SMCHD1: variants seen among roughly 807,000 people sequenced by gnomAD.
The protein encoded by SMCHD1 is structural maintenance of chromosomes flexible hinge domain-containing protein 1.
In SMCHD1, 78 loss-of-function variants were observed where a neutral mutation model predicts 254.7. The observed-to-expected ratio is 0.31, with a 90% confidence interval of 0.26 to 0.37. The LOEUF is 0.37. Ranked by LOEUF, SMCHD1 falls within the 10% of genes least tolerant of loss-of-function variation. SMCHD1 has a pLI of 1.00. For missense variants in SMCHD1, 1,840 were observed against 2,408.1 expected (o/e 0.76, Z 4.94); for synonymous variants, 766 against 794.9 (o/e 0.96, Z 0.61).
At chr18:2,657,523 A>G (rs544655368) in intron 1 of SMCHD1, among the ~76,000 whole-genome samples, 1 of 152,206 alleles carries the variant, frequency 6.6e-6, no homozygotes, top group South Asian at 2.1e-4. Context: ...ATATCAGTAC[A>G]TTAAAGAAAA....
chr18:2,725,046 T>A, intron 21 of SMCHD1, 51 bp downstream of exon 21: 1 of 1,089,922 alleles, frequency 9.2e-7, no homozygotes, highest in Non-Finnish European at 1.3e-6. Flanking sequence ...TTATTTATCA[T>A]ATGGTAAGAA....
chr18:2,769,119 C>G (rs2075929410), intron 37 of SMCHD1, among the ~76,000 whole-genome samples: 1 of 152,128 alleles, frequency 6.6e-6, no homozygotes, highest in South Asian at 2.1e-4. Flanking sequence ...GTGTCATTTA[C>G]TAGTTATATG....
chr18:2,773,153 C>T (rs1204367355), intron 41 of SMCHD1, among the ~76,000 whole-genome samples: 4 of 152,064 alleles, frequency 2.6e-5, no homozygotes, highest in Admixed American at 2.0e-4. Context: ...ATGACCAAAA[C>T]CGTGTTACGT....
chr18:2,701,087 A>T, intron 12 of SMCHD1, 169 bp downstream of exon 12: 1 of 473,502 alleles, frequency 2.1e-6, no homozygotes, highest in South Asian at 4.8e-5. Context: ...TTTAAAGCTA[A>T]TTTTTTAGTA....
At chr18:2,765,087 A>G (rs1208832189) in intron 37 of SMCHD1, among the ~76,000 whole-genome samples, 1 of 152,142 alleles carries the variant, frequency 6.6e-6, no homozygotes, top group Non-Finnish European at 1.5e-5. Flanking sequence ...TTTGGTTTTA[A>G]TCTTTCTAAG....
At chr18:2,705,401 G>T (rs1310281298) in intron 13 of SMCHD1, among the ~76,000 whole-genome samples, 1 of 152,106 alleles carries the variant, frequency 6.6e-6, no homozygotes, top group Non-Finnish European at 1.5e-5. Flanking sequence ...AGATATGTTG[G>T]CATTCATTAT....
At chr18:2,707,030 A>G (rs1468094953) in intron 15 of SMCHD1, among the ~76,000 whole-genome samples, 1 of 152,174 alleles carries the variant, frequency 6.6e-6, no homozygotes, top group Non-Finnish European at 1.5e-5. Context: ...AGAACTCACT[A>G]TCAAGAGAAC....
At chr18:2,775,381 AAGAC>A (rs1238350018) in intron 41 of SMCHD1, among the ~76,000 whole-genome samples, 2 of 152,082 alleles carry the variant, frequency 1.3e-5, no homozygotes, top group Non-Finnish European at 2.9e-5. Flanking sequence ...TTCTACCAAT[AAGAC>A]AGATCCCATT....
chr18:2,755,563 TTC>T (rs1230477911), intron 34 of SMCHD1, among the ~76,000 whole-genome samples: 8 of 136,556 alleles, frequency 5.9e-5, no homozygotes, highest in South Asian at 2.5e-4. Flanking sequence ...TTTTCTTTCT[TTC>T]TTTTTTTTTT....
intron 22 of SMCHD1, among the ~76,000 whole-genome samples, chr18:2,727,745 C>T (rs62084255): frequency 0.19 from 29,487 of 151,670 alleles, 3,107 homozygotes; most frequent in South Asian, 0.27. Flanking sequence ...GTGAAGTTTA[C>T]GTAAGAATAG....
Position 2,718,660 on chromosome 18 carries a change from AT to A in SMCHD1, c.2458+230del, listed in dbSNP as rs2074854212. Among the ~76,000 whole-genome samples, 1 of 151,980 alleles carries A rather than the reference AT, an allele frequency of 6.6e-6. No homozygotes were observed. Among genetic ancestry groups the A allele is most frequent in the Non-Finnish European group, 1.5e-5 (1 of 67,988 alleles). ...AACCTCCGCTTCCTGGGTTCAAGTGATTTTCCTGCCTCAGCCTCCCGAGTAG... is the reference window on the plus strand; with the variant it reads ...AACCTCCGCTTCCTGGGTTCAAGTGATTTCCTGCCTCAGCCTCCCGAGTAG... On this transcript the variant is annotated intron_variant, in intron 19 of 47. Transcript: ENST00000320876. The surrounding 1 kb of genome is among the most constrained non-coding windows in gnomAD (Gnocchi z 4.6).
rs71365194 is a variant in SMCHD1, at chr18:2,690,646, CT to C, written c.873+1916del. On this transcript the variant is annotated intron_variant, in intron 7 of 47. Transcript: ENST00000320876. ...GCCACCACACCTGGCTAATTTTTTT[CT>C]TTTTTTTTTTTTTTTTAGTGGAGAT... is the stretch of plus-strand genomic sequence containing the variant. Among the ~76,000 whole-genome samples, 539 of 133,558 alleles carry C rather than the reference CT, an allele frequency of 4.0e-3. 2 individuals are homozygous for C. Among genetic ancestry groups the C allele is most frequent in the African/African-American group, 7.5e-3 (275 of 36,442 alleles). 87.6% of individuals were successfully genotyped at this position (133,558 alleles called of 152,430 possible). A position where few individuals can be genotyped will look rare whatever the true frequency, so the allele number is the denominator to read the frequency against.
Position 2,803,694 on chromosome 18 carries a change from CTAT to C in SMCHD1, c.*1143_*1145del, listed in dbSNP as rs2076403064. 2.0e-3 allele frequency: 2 copies of C among 984 alleles called. No individual in the cohort carries two copies. Among genetic ancestry groups the C allele is most frequent in the Admixed American group, 0.03 (2 of 66 alleles). The allele number at this position is 984 out of a possible 1,614,324, so 0.1% of individuals were successfully genotyped here. ...AAAAACGATGATGATGTTAACCTAT[CTAT>C]CTTTATAATTGGAAATTATTTAAAC... On this transcript the variant is annotated 3_prime_UTR_variant, in exon 48 of 48. Coordinates refer to ENST00000320876, the MANE Select transcript of SMCHD1 (RefSeq NM_015295.3).
intron 41 of SMCHD1, 21 bp downstream of exon 41, chr18:2,772,393 T>C (rs372918781): frequency 5.2e-4 from 792 of 1,524,932 alleles, no homozygotes; most frequent in Non-Finnish European, 6.8e-4. Flanking sequence ...ATTAAGCCTT[T>C]TGAAAGGCAG....
chr18:2,656,404 C>T, intron 1 of SMCHD1, 143 bp downstream of exon 1: 1 of 804,672 alleles, frequency 1.2e-6, no homozygotes, highest in Non-Finnish European at 1.7e-6. Context: ...CGTGTGCCCG[C>T]CATGTCCGTG....
At chr18:2,760,606 C>G (rs1181118699) in intron 34 of SMCHD1, 46 bp from the exon 35 acceptor site, 1 of 1,079,726 alleles carries the variant, frequency 9.3e-7, no homozygotes, top group Admixed American at 1.8e-5. Context: ...TTCCTTCCCC[C>G]TTTATACAAA....
In SMCHD1 at chr18:2,732,360, G is replaced by A. The variant is rs1244281042; in HGVS notation, c.3144G>A (p.Lys1048=). 1 of 1,613,774 alleles carries A rather than the reference G, an allele frequency of 6.2e-7. No homozygotes were observed. Among genetic ancestry groups the A allele is most frequent in the Admixed American group, 1.7e-5 (1 of 60,014 alleles). Residue 1048 remains lysine (K), a synonymous_variant, in exon 25 of 48, where the codon AAG becomes AAA. Coordinates refer to ENST00000320876, the MANE Select transcript of SMCHD1 (RefSeq NM_015295.3). ...AAATATTCAGTGTAGAAGGACAAAA[G>A]GCAATTCAGATCAAACATCAGGATG... ...RLQIFSVEGQ[K]AIQIKHQDEV...
chr18:2,708,011 A>AG, intron 17 of SMCHD1, 91 bp downstream of exon 17: 10 of 735,616 alleles, frequency 1.4e-5, no homozygotes, highest in Non-Finnish European at 2.1e-5. Flanking sequence ...ATGACCTAGC[A>AG]ATCTGATAGG....
chr18:2,699,701 A>T (rs1259878946), intron 10 of SMCHD1, among the ~76,000 whole-genome samples: 1 of 152,152 alleles, frequency 6.6e-6, no homozygotes, highest in African/African-American at 2.4e-5. Context: ...AAAAGATATA[A>T]TTTTTTTCAA....
Sources: allele counts gnomAD v4.1 joint callset (sites outside exome capture counted in the v4.1 genomes callset), GRCh38; gene constraint gnomAD v4.1.1; non-coding constraint Gnocchi (gnomAD v3.1); transcripts MANE v1.5; gene names NCBI Gene and HGNC (gene_info 2026-07-23, HGNC 2026-07-21).